COL9A1: variants seen among roughly 807,000 people sequenced by gnomAD.
COL9A1 encodes the protein collagen alpha-1(IX) chain.
COL9A1 carries 104 observed loss-of-function variants against 142.6 expected under a neutral mutation model. That is an observed-to-expected ratio of 0.73 (90% confidence interval 0.62 to 0.86). COL9A1 has a LOEUF of 0.86. Ranked by LOEUF, COL9A1 falls within the 40% of genes least tolerant of loss-of-function variation. The pLI, the probability that COL9A1 is intolerant of heterozygous loss-of-function variation, is 0.00. For synonymous variants in COL9A1, 466 were observed against 396.0 expected, an observed-to-expected ratio of 1.18 and a Z score of -2.10; for missense variants, 1,210 against 1,176.6, an observed-to-expected ratio of 1.03 and a Z score of -0.42.
At position 70,281,450 on chromosome 6, in the gene COL9A1, A is replaced by C; in HGVS notation, c.816T>G (p.Gly272=). 6.2e-7 allele frequency: 1 copy of C among 1,612,186 alleles called. No individual in the cohort carries two copies. The highest frequency in any genetic ancestry group is 8.5e-7 in the Non-Finnish European group (1 of 1,179,474). ...SQTTDERGPP[G]EQGPPGPPGP... is the part of the protein sequence containing the mutation. ...CCGGAGGCCCGGGAGGACCCTGCTC[A>C]CCCGGGGGACCTCTCTGGCAAAAAT... Residue 272 remains glycine, a synonymous_variant, in exon 8 of 38, where the codon GGT becomes GGG. Coordinates refer to ENST00000357250, the MANE Select transcript of COL9A1 (RefSeq NM_001851.6).
intron 33 of COL9A1, among the ~76,000 whole-genome samples, chr6:70,238,056 C>T (rs1193190846): frequency 1.3e-5 from 2 of 152,198 alleles, no homozygotes; most frequent in South Asian, 2.1e-4. Context: ...AACACTTCAT[C>T]AAAGGCTTTG....
At chr6:70,247,994 C>A (rs1285257203) in intron 28 of COL9A1, among the ~76,000 whole-genome samples, 1 of 152,174 alleles carries the variant, frequency 6.6e-6, no homozygotes, top group Non-Finnish European at 1.5e-5. Context: ...AGTAGACAGG[C>A]TTCTGTACAC....
At position 70,294,543 on chromosome 6, in the gene COL9A1, A is replaced by T. The variant is rs1369190927; in HGVS notation, c.320T>A (p.Leu107Gln). ...IPTRNLYPSG[L>Q]PEEYSFLTTF... is the part of the protein sequence containing the mutation. ...CGTCAAGAAGGAGTATTCTTCAGGC[A>T]GTCCACTGGGATATAAATTCCTGAG... The change falls in exon 5 of 38, where the codon CTG (leucine) becomes CAG (glutamine). Residue 107 changes from leucine (L) to glutamine (Q), a missense_variant. Transcript: ENST00000357250. 1.2e-6 allele frequency: 2 copies of T among 1,613,914 alleles called. No individual in the cohort carries two copies. The highest frequency in any genetic ancestry group is 2.7e-5 in the African/African-American group (2 of 74,924).
chr6:70,267,319 G>GTTTTTTTGTT (rs1772080426), intron 17 of COL9A1, among the ~76,000 whole-genome samples: 1 of 99,692 alleles, frequency 1.0e-5, no homozygotes, highest in Non-Finnish European at 2.2e-5. Flanking sequence ...TGTTTGTTTG[G>GTTTTTTTGTT]TTTTTTTGTT....
intron 10 of COL9A1, among the ~76,000 whole-genome samples, chr6:70,276,085 A>T (rs1772740365): frequency 6.6e-6 from 1 of 152,170 alleles, no homozygotes; most frequent in Non-Finnish European, 1.5e-5. Context: ...AAATTTACCA[A>T]AGAAGAAAAA....
chr6:70,289,859 T>C (rs1258265473), intron 5 of COL9A1, among the ~76,000 whole-genome samples: 3 of 152,280 alleles, frequency 2.0e-5, no homozygotes, highest in East Asian at 1.9e-4. Context: ...ATTTTTCCCA[T>C]GTTATAATTC....
intron 36 of COL9A1, among the ~76,000 whole-genome samples, chr6:70,231,925 C>T (rs1027483178): frequency 1.3e-5 from 2 of 152,148 alleles, no homozygotes; most frequent in Non-Finnish European, 2.9e-5. Context: ...TTCCACCAGT[C>T]CTGCTGAGTA....
rs988763688 is a variant in COL9A1, at chr6:70,268,056, A to T, written c.1287+748T>A. Among the ~76,000 whole-genome samples the T allele has an allele frequency of 4.6e-5, 7 of 152,216 alleles. No individual in the cohort carries two copies. The East Asian group carries it at 1.3e-3, about 29-fold the overall frequency. On this transcript the variant is annotated intron_variant, in intron 17 of 37. Transcript: ENST00000357250. Reference sequence around the variant, plus strand: ...TTTTTGTTTGTATGGAAAACTTTCAAGTAATTACGGTGGCAGACAGAGAAA... The same window carrying T: ...TTTTTGTTTGTATGGAAAACTTTCATGTAATTACGGTGGCAGACAGAGAAA...
chr6:70,255,292 G>T lies in COL9A1; in HGVS notation c.1557+45C>A, dbSNP rs372772574. 81 of 1,609,018 alleles carry T rather than the reference G, an allele frequency of 5.0e-5. No homozygotes were observed. In the African/African-American group the frequency reaches 1.1e-3, roughly 21 times the overall value. Reference sequence around the variant, plus strand: ...AAAGAGATCAGCATAATCAGCAGATGACACTGAAAAGCAGGAGGCTTGGAG... The same window carrying T: ...AAAGAGATCAGCATAATCAGCAGATTACACTGAAAAGCAGGAGGCTTGGAG... On this transcript the variant is annotated intron_variant, in intron 22 of 37. Transcript: ENST00000357250.
At chr6:70,280,772 C>T (rs752415159) in intron 10 of COL9A1, 40 bp downstream of exon 10, 4 of 1,594,346 alleles carry the variant, frequency 2.5e-6, no homozygotes, top group Non-Finnish European at 3.4e-6. Flanking sequence ...ACCCACCACA[C>T]ACCCCAGGCT....
rs202054376 is a variant in COL9A1 at position 70,302,204 on chromosome 6, CTTTTTTTTT to C, written c.15-139_15-131del. On this transcript the variant is annotated intron_variant, in intron 1 of 37. Coordinates refer to ENST00000357250, the MANE Select transcript of COL9A1 (RefSeq NM_001851.6). ...TCACAGTATAGTTTTTTTTTCATTT[CTTTTTTTTT>C]TTTTTTTTTTTTTTGAGACGGAGTC... The C allele has an allele frequency of 0.15, 55,384 of 360,548 alleles. 5,157 individuals are homozygous for C. Among genetic ancestry groups the C allele is most frequent in the East Asian group, 0.38 (8,218 of 21,628 alleles). 22.3% of individuals were successfully genotyped at this position (360,548 alleles called of 1,614,324 possible). A position where few individuals can be genotyped will look rare whatever the true frequency, so the allele number is the denominator to read the frequency against.
intron 35 of COL9A1, among the ~76,000 whole-genome samples, chr6:70,233,948 T>G (rs1439946648): frequency 1.3e-5 from 2 of 152,252 alleles, no homozygotes; most frequent in East Asian, 3.8e-4. Context: ...TTTTTATAAC[T>G]AGACCAATTC....
chr6:70,288,528 A>G (rs1358576269), intron 5 of COL9A1, among the ~76,000 whole-genome samples: 1 of 152,190 alleles, frequency 6.6e-6, no homozygotes, highest in Non-Finnish European at 1.5e-5. Context: ...CATCTCACAC[A>G]GTGTGAAAGC....
chr6:70,287,368 A>T (rs947641400), intron 5 of COL9A1, among the ~76,000 whole-genome samples: 1 of 152,168 alleles, frequency 6.6e-6, no homozygotes, highest in South Asian at 2.1e-4. Context: ...GCAAAAGATA[A>T]GGATGGGGAA....
At chr6:70,264,981 C>A (rs1771921669) in intron 18 of COL9A1, among the ~76,000 whole-genome samples, 1 of 152,084 alleles carries the variant, frequency 6.6e-6, no homozygotes, top group Admixed American at 6.5e-5. Context: ...TCTGCTCAGC[C>A]TTTCAAGGTT....
intron 10 of COL9A1, among the ~76,000 whole-genome samples, chr6:70,278,105 AAAGTC>A (rs1772888299): frequency 6.6e-6 from 1 of 152,234 alleles, no homozygotes; most frequent in African/African-American, 2.4e-5. Context: ...CTTAAATTCA[AAAGTC>A]AGGGAATATA....
chr6:70,265,558 G>A (rs1771958847), intron 18 of COL9A1, among the ~76,000 whole-genome samples: 2 of 148,456 alleles, frequency 1.3e-5, no homozygotes, highest in African/African-American at 5.0e-5. Flanking sequence ...CTAGCACATA[G>A]CAGGTACTTT....
chr6:70,240,632 T>A (rs1770194875), intron 32 of COL9A1, 57 bp downstream of exon 32: 1 of 1,234,266 alleles, frequency 8.1e-7, no homozygotes, highest in Non-Finnish European at 1.2e-6. Flanking sequence ...ATATATATAC[T>A]TCTAACAGTT....
intron 18 of COL9A1, among the ~76,000 whole-genome samples, chr6:70,264,215 G>T (rs1771875010): frequency 6.6e-6 from 1 of 151,714 alleles, no homozygotes; most frequent in Non-Finnish European, 1.5e-5. Flanking sequence ...TTATTTTTTA[G>T]ATTTCCTAAA....
Sources: gnomAD v4.1 joint callset for allele counts (sites outside exome capture counted in the v4.1 genomes callset) on GRCh38, gnomAD v4.1.1 for gene constraint, MANE v1.5 for transcripts, NCBI Gene and HGNC (gene_info 2026-07-23, HGNC 2026-07-21) for gene names.